Variants in ABCC5 observed in about 807,000 individuals in gnomAD.
ABCC5 encodes the protein ATP binding cassette subfamily C member 5.
ABCC5 carries 61 observed loss-of-function variants against 160.9 expected under a neutral mutation model. That is an observed-to-expected ratio of 0.38 (90% confidence interval 0.31 to 0.47). The LOEUF is 0.47. ABCC5 is among the 20% of genes least tolerant of loss of function. The pLI is 0.99. For missense variants in ABCC5, 1,308 were observed against 1,813.3 expected, an observed-to-expected ratio of 0.72 and a Z score of 5.06; for synonymous variants, 666 against 700.6, an observed-to-expected ratio of 0.95 and a Z score of 0.78.
At chr3:183,994,855 G>GT (rs71632005) in intron 2 of ABCC5, among the ~76,000 whole-genome samples, 1,158 of 109,714 alleles carry the variant, frequency 0.011, 14 homozygotes, top group African/African-American at 0.016. Flanking sequence ...CATTTTCTAT[G>GT]TTTTTTTTTT....
rs766925127 is a variant in ABCC5 at position 183,987,619 on chromosome 3, A to G, written c.591+151T>C. ...CTTTCATCCTTCCAGCTGTTGCCAA[A>G]ATCCATCGACCCCTTTCAACAGACC... On this transcript the variant is annotated intron_variant, in intron 5 of 29. Transcript: ENST00000334444. The surrounding 1 kb of genome is among the most constrained non-coding windows in gnomAD (Gnocchi z 4.2). 7 of 1,065,886 alleles carry G rather than the reference A, an allele frequency of 6.6e-6. No homozygotes were observed. Among genetic ancestry groups the G allele is most frequent in the Non-Finnish European group, 1.4e-6 (1 of 717,476 alleles). 66.0% of individuals were successfully genotyped at this position (1,065,886 alleles called of 1,614,324 possible).
chr3:183,996,571 G>A (rs979221286), intron 2 of ABCC5, among the ~76,000 whole-genome samples: 1 of 152,172 alleles, frequency 6.6e-6, no homozygotes, highest in African/African-American at 2.4e-5. Flanking sequence ...AATGAAAGCT[G>A]CCAGGCAAGT....
At chr3:183,929,636 A>G (rs1222236547) in intron 26 of ABCC5, among the ~76,000 whole-genome samples, 1 of 152,164 alleles carries the variant, frequency 6.6e-6, no homozygotes, top group Non-Finnish European at 1.5e-5. Flanking sequence ...CAAGTCAAGA[A>G]AAAGGAATTT....
Position 183,983,005 on chromosome 3 carries a change from G to A in ABCC5, c.594C>T (p.Ala198=), listed in dbSNP as rs1375428096. ...ITQLAGFSGP[A]FMVKHLLEYT... is the part of the protein sequence containing the mutation. ...ACTCCAAGAGGTGTTTCACCATGAA[G>A]GCCTACAGGGAGAGACACACACCAC... Residue 198 remains alanine (A), a splice_region_variant and synonymous_variant, in exon 6 of 30, where the codon GCC becomes GCT. Coordinates refer to ENST00000334444, the MANE Select transcript of ABCC5 (RefSeq NM_005688.4). 8.7e-6 allele frequency: 14 copies of A among 1,613,062 alleles called. No individual in the cohort carries two copies. The highest frequency in any genetic ancestry group is 1.1e-5 in the Non-Finnish European group (13 of 1,179,186).
chr3:183,961,461 T>G (rs757270228), intron 16 of ABCC5, 50 bp downstream of exon 16: 1 of 1,601,584 alleles, frequency 6.2e-7, no homozygotes, highest in African/African-American at 1.3e-5. Context: ...CCGGCTGTGT[T>G]TCCCTTGCAG....
At chr3:183,961,685 G>A in intron 15 of ABCC5, 31 bp from the exon 16 acceptor site, 1 of 1,612,698 alleles carries the variant, frequency 6.2e-7, no homozygotes, top group Non-Finnish European at 8.5e-7. Context: ...AACACAATAT[G>A]CTGTTTGTGC....
chr3:183,995,939 C>A (rs138640574), intron 2 of ABCC5, among the ~76,000 whole-genome samples: 12,153 of 152,024 alleles, frequency 0.08, 1,647 homozygotes, highest in African/African-American at 0.28. Flanking sequence ...TCCCGAGTAG[C>A]TGGGATTACA....
At chr3:183,999,415 T>C (rs17218330) in intron 2 of ABCC5, among the ~76,000 whole-genome samples, 5,740 of 152,288 alleles carry the variant, frequency 0.038, 160 homozygotes, top group Middle Eastern at 0.088. Context: ...TATAAGGGCT[T>C]ACTATACAAA....
At chr3:184,003,989 T>C (rs1720961582) in intron 2 of ABCC5, among the ~76,000 whole-genome samples, 1 of 152,130 alleles carries the variant, frequency 6.6e-6, no homozygotes, top group Admixed American at 6.6e-5. Flanking sequence ...ACTGCCTACC[T>C]ACTAGAATCA....
Position 183,981,843 on chromosome 3 carries a change from C to G in ABCC5, c.1031G>C (p.Arg344Thr). The change falls in exon 8 of 30, where the codon AGG becomes ACG. Residue 344 changes from arginine to threonine, a missense_variant. Physicochemically the swap from Arg to Thr is moderately conservative, Grantham distance 71. Around this residue, in one of 3 missense-constraint regions of ABCC5, gnomAD observed 1,142 missense variants for 1,527.1 expected, o/e 0.75. Transcript: ENST00000334444. ...ATCCGTGGCGGCCACGCATTTTCTCCTGAAATATGCTGTGAGCCGTGATGC... is the reference window on the plus strand; with the variant it reads ...ATCCGTGGCGGCCACGCATTTTCTCGTGAAATATGCTGTGAGCCGTGATGC... ...MFASRLTAYF[R>T]RKCVAATDER... 1 of 1,608,798 alleles carries G rather than the reference C, an allele frequency of 6.2e-7. No individual in the cohort carries two copies. Among genetic ancestry groups the G allele is most frequent in the Non-Finnish European group, 8.5e-7 (1 of 1,178,564 alleles).
chr3:183,974,718 T>C (rs1718067133), intron 10 of ABCC5, among the ~76,000 whole-genome samples: 1 of 152,266 alleles, frequency 6.6e-6, no homozygotes, highest in African/African-American at 2.4e-5. Context: ...CAAGCCACCC[T>C]ATTCCACTGG....
rs1205605510 is a variant in ABCC5 at position 183,951,373 on chromosome 3, A to T, written c.2944+68T>A. ...CAGACAGACAGATCTGCACATTTGG[A>T]GAATCATCTAGAAGGCTGGAAGCAC... On this transcript the variant is annotated intron_variant, in intron 20 of 29. Coordinates refer to ENST00000334444, the MANE Select transcript of ABCC5 (RefSeq NM_005688.4). This position sits in a 1 kb window ranked among gnomAD's most constrained non-coding sequence, Gnocchi z 4.7. The T allele has an allele frequency of 1.9e-6, 3 of 1,574,450 alleles. No homozygotes were observed. Among genetic ancestry groups the T allele is most frequent in the African/African-American group, 2.7e-5 (2 of 73,692 alleles).
Position 183,951,458 on chromosome 3 carries a change from G to GA in ABCC5, c.2926dup (p.Ser976PhefsTer6). On this transcript the variant is annotated frameshift_variant, in exon 20 of 30. Transcript: ENST00000334444. LOFTEE classifies it high-confidence loss of function. The surrounding 1 kb of genome is among the most constrained non-coding windows in gnomAD (Gnocchi z 4.7). The stretch of plus-strand genomic sequence containing the variant: ...AGAAATACCTTCATCCATGTCTTTG[G>GA]AAAACCTGTTGAGAATCCTCCCTGT... 6.2e-7 allele frequency: 1 copy of GA among 1,614,172 alleles called. No homozygotes were observed. The highest frequency in any genetic ancestry group is 8.5e-7 in the Non-Finnish European group (1 of 1,180,026).
In ABCC5 at chr3:183,958,605, A is replaced by C. The variant is rs76366548; in HGVS notation, c.2482+1128T>G. Reference sequence around the variant, plus strand: ...AAAAAAAGAAATAAAAGAGGCAGTAAGTCAGGATGATCAACTCCCAATACC... The same window carrying C: ...AAAAAAAGAAATAAAAGAGGCAGTACGTCAGGATGATCAACTCCCAATACC... On this transcript the variant is annotated intron_variant, in intron 17 of 29. Coordinates refer to ENST00000334444, the MANE Select transcript of ABCC5 (RefSeq NM_005688.4). Among the ~76,000 whole-genome samples the C allele has an allele frequency of 6.5e-3, 989 of 152,246 alleles. 5 individuals are homozygous for C. Among genetic ancestry groups the C allele is most frequent in the African/African-American group, 0.023 (966 of 41,554 alleles).
At chr3:183,946,561 G>A (rs969337398) in intron 23 of ABCC5, among the ~76,000 whole-genome samples, 2 of 152,048 alleles carry the variant, frequency 1.3e-5, no homozygotes, top group African/African-American at 4.8e-5. Flanking sequence ...CACAAGAGTA[G>A]AAAGAGTAGT....
At chr3:183,985,592 G>C (rs1277986345) in intron 5 of ABCC5, 1 of 656,300 alleles carries the variant, frequency 1.5e-6, no homozygotes, top group African/African-American at 1.8e-5. Context: ...TTCTCTTGCA[G>C]ATCTACAGTG....
rs769279007 is a variant in ABCC5 at position 183,951,588 on chromosome 3, G to C, written c.2815-18C>G. 2 of 1,613,362 alleles carry C rather than the reference G, an allele frequency of 1.2e-6. No homozygotes were observed. Among genetic ancestry groups the C allele is most frequent in the South Asian group, 2.2e-5 (2 of 90,976 alleles). On this transcript the variant is annotated intron_variant, in intron 19 of 29. Transcript: ENST00000334444. This position sits in a 1 kb window ranked among gnomAD's most constrained non-coding sequence, Gnocchi z 4.7. Reference sequence around the variant, plus strand: ...AGCGTGCCCTGAGGAGCAGAGCACAGAGTGGTCAGGGCCCAGGGACGGCTC... The same window carrying C: ...AGCGTGCCCTGAGGAGCAGAGCACACAGTGGTCAGGGCCCAGGGACGGCTC...
chr3:183,980,717 T>TTG (rs544153905), intron 8 of ABCC5, among the ~76,000 whole-genome samples: 10,904 of 149,304 alleles, frequency 0.073, 1,389 homozygotes, highest in African/African-American at 0.26. Context: ...CTGTTTTGTT[T>TTG]TTTTTTTTTT....
chr3:183,983,642 A>G, intron 5 of ABCC5: 1 of 650,268 alleles, frequency 1.5e-6, no homozygotes, highest in Non-Finnish European at 1.9e-6. Context: ...TGCAGAGGGA[A>G]GGCGGCCAGC....
Sources: gnomAD v4.1 joint callset for allele counts (sites outside exome capture counted in the v4.1 genomes callset) on GRCh38, gnomAD v4.1.1 for gene constraint, gnomAD v4.1.1 regional missense constraint, Gnocchi (gnomAD v3.1) non-coding constraint, MANE v1.5 for transcripts, NCBI Gene and HGNC (gene_info 2026-07-23, HGNC 2026-07-21) for gene names.